Variants in EXD1 observed in about 807,000 individuals in gnomAD.
EXD1 encodes the protein exonuclease 3'-5' domain containing 1.
A neutral mutation model predicts 49.1 loss-of-function variants in EXD1; 63 were observed. The observed-to-expected ratio is 1.28, with a 90% confidence interval of 1.05 to 1.58. The LOEUF is 1.58. Among genes scored for constraint, EXD1 ranks in the 40% most tolerant of loss-of-function variants. The probability of loss-of-function intolerance (pLI) is 0.00; values close to 1 mark genes in which losing one functional copy is unlikely to be tolerated. For synonymous variants in EXD1, 234 were observed against 239.2 expected (o/e 0.98, Z 0.20); for missense variants, 748 against 666.0 (o/e 1.12, Z -1.36).
Position 41,217,085 on chromosome 15 carries a change from A to T in EXD1, c.260+12T>A. On this transcript the variant is annotated intron_variant, in intron 4 of 11. Coordinates refer to ENST00000458580, the MANE Select transcript of EXD1 (RefSeq NM_001286441.2). ...GGAAAATATCATAATTAAGAAAATT[A>T]TTCCTTCTTACCTAACAGAAGATGC... 7.5e-6 allele frequency: 12 copies of T among 1,607,914 alleles called. No individual in the cohort carries two copies. The highest frequency in any genetic ancestry group is 1.1e-5 in the South Asian group (1 of 90,796).
intron 7 of EXD1, among the ~76,000 whole-genome samples, chr15:41,199,396 T>C (rs1487767311): frequency 2.6e-5 from 4 of 151,092 alleles, no homozygotes; most frequent in African/African-American, 9.7e-5. Context: ...CCCCTTTTTT[T>C]TCTTGTATTA....
At chr15:41,219,730 C>A in intron 3 of EXD1, 100 bp downstream of exon 3, 1 of 949,924 alleles carries the variant, frequency 1.1e-6, no homozygotes, top group Non-Finnish European at 1.6e-6. Context: ...TCTCAAATAC[C>A]AACTTTAAGA....
intron 11 of EXD1, among the ~76,000 whole-genome samples, chr15:41,188,008 C>T (rs1250616810): frequency 3.0e-5 from 2 of 66,916 alleles, no homozygotes; most frequent in Non-Finnish European, 5.3e-5. Context: ...AGAGCGAAAC[C>T]CCGTCTCAAA....
At chr15:41,227,640 T>C (rs1323354919) in intron 1 of EXD1, among the ~76,000 whole-genome samples, 2 of 144,650 alleles carry the variant, frequency 1.4e-5, no homozygotes, top group African/African-American at 2.6e-5. Context: ...ATCGCGCCAC[T>C]GTACTCCAGC....
chr15:41,215,632 G>A, intron 6 of EXD1, 143 bp downstream of exon 6: 1 of 765,932 alleles, frequency 1.3e-6, no homozygotes, highest in South Asian at 1.6e-5. Context: ...CTTGCAGTGA[G>A]CCAAGATTGG....
intron 7 of EXD1, among the ~76,000 whole-genome samples, chr15:41,202,849 C>T (rs1209733248): frequency 6.8e-6 from 1 of 146,772 alleles, no homozygotes; most frequent in African/African-American, 2.5e-5. Context: ...ACTCAGGAGG[C>T]AGAGTTTGCA....
At chr15:41,196,457 C>T (rs1303953186) in intron 7 of EXD1, among the ~76,000 whole-genome samples, 1 of 151,602 alleles carries the variant, frequency 6.6e-6, no homozygotes, top group Non-Finnish European at 1.5e-5. Context: ...GCTGGGATTA[C>T]AGGTGCACGC....
chr15:41,220,902 G>A (rs767385140), intron 2 of EXD1, among the ~76,000 whole-genome samples: 2 of 151,850 alleles, frequency 1.3e-5, no homozygotes, highest in Non-Finnish European at 2.9e-5. Flanking sequence ...TGCAACCTTC[G>A]ACAATACTGT....
intron 6 of EXD1, among the ~76,000 whole-genome samples, chr15:41,213,879 T>A (rs192281161): frequency 9.8e-5 from 15 of 152,330 alleles, no homozygotes; most frequent in African/African-American, 3.6e-4. Flanking sequence ...CTAAATAAAT[T>A]GTATGGCATG....
chr15:41,198,624 G>A, intron 7 of EXD1, among the ~76,000 whole-genome samples: 1 of 152,046 alleles, frequency 6.6e-6, no homozygotes, highest in East Asian at 1.9e-4. Flanking sequence ...AGGAGCTCCA[G>A]GTTGCAGTGA....
intron 9 of EXD1, 97 bp from the exon 10 acceptor site, chr15:41,191,682 T>C (rs2046520835): frequency 8.2e-7 from 1 of 1,225,180 alleles, no homozygotes; most frequent in East Asian, 2.4e-5. Flanking sequence ...AATAACATTT[T>C]CCCCAAGGAC....
chr15:41,184,068 A>G lies in EXD1; in HGVS notation c.1582T>C (p.Ser528Pro), dbSNP rs551890183. The change falls in exon 12 of 12, where the codon TCC becomes CCC. Residue 528 changes from serine (S) to proline (P), a missense_variant. Transcript: ENST00000458580. ...KCTKQAVSMS[S>P]FPQETRVSPS... is the part of the protein sequence containing the mutation. ...GACACTCTGGTTTCCTGAGGAAAGG[A>G]AGACATTGAAACAGCCTGTTTTGTG... 6.2e-7 allele frequency: 1 copy of G among 1,614,218 alleles called. No individual in the cohort carries two copies. The highest frequency in any genetic ancestry group is 1.3e-5 in the African/African-American group (1 of 75,064).
At chr15:41,214,886 C>T (rs1439479651) in intron 6 of EXD1, among the ~76,000 whole-genome samples, 1 of 152,150 alleles carries the variant, frequency 6.6e-6, no homozygotes, top group Non-Finnish European at 1.5e-5. Context: ...GCTGGGACTA[C>T]AGGCGCCTGC....
At chr15:41,224,604 A>G (rs1289625851) in intron 2 of EXD1, among the ~76,000 whole-genome samples, 1 of 152,124 alleles carries the variant, frequency 6.6e-6, no homozygotes, top group African/African-American at 2.4e-5. Flanking sequence ...GAAACATTAA[A>G]TCAGAAAAAA....
intron 7 of EXD1, among the ~76,000 whole-genome samples, chr15:41,205,528 A>T (rs1484599881): frequency 6.6e-6 from 1 of 152,178 alleles, no homozygotes; most frequent in African/African-American, 2.4e-5. Context: ...CTGTAATCCC[A>T]GCAATTTGGA....
intron 9 of EXD1, among the ~76,000 whole-genome samples, chr15:41,195,044 C>T (rs1359628350): frequency 6.6e-6 from 1 of 151,996 alleles, no homozygotes; most frequent in Non-Finnish European, 1.5e-5. Context: ...ACTAGAAGAA[C>T]CTGAAGAAAA....
intron 11 of EXD1, among the ~76,000 whole-genome samples, chr15:41,186,065 G>T (rs1391301173): frequency 1.3e-5 from 2 of 152,020 alleles, no homozygotes; most frequent in African/African-American, 4.8e-5. Context: ...AGTGGTGATA[G>T]TCACAATTTT....
chr15:41,208,963 C>G (rs746812563), intron 7 of EXD1, among the ~76,000 whole-genome samples: 2 of 148,760 alleles, frequency 1.3e-5, no homozygotes, highest in Admixed American at 1.3e-4. Context: ...GCTTTAACAG[C>G]GAACCTATTC....
chr15:41,211,750 A>G (rs1328466059), intron 6 of EXD1, among the ~76,000 whole-genome samples: 1 of 150,338 alleles, frequency 6.7e-6, no homozygotes, highest in Non-Finnish European at 1.5e-5. Flanking sequence ...GCTTGAGTCC[A>G]GGAGTTCAAG....
Sources: gnomAD v4.1 joint callset for allele counts (sites outside exome capture counted in the v4.1 genomes callset) on GRCh38, gnomAD v4.1.1 for gene constraint, MANE v1.5 for transcripts, NCBI Gene and HGNC (gene_info 2026-07-23, HGNC 2026-07-21) for gene names.